Variants in COL4A3 observed in about 807,000 individuals in gnomAD.
The protein encoded by COL4A3 is collagen type IV alpha 3 chain.
In COL4A3, 135 loss-of-function variants were observed where a neutral mutation model predicts 217.4. The ratio of observed to expected loss-of-function variants is 0.62; its 90% confidence interval spans 0.54 to 0.72. The LOEUF (loss-of-function observed/expected upper bound fraction) is 0.72, where lower values mean the gene tolerates loss of function less well. Ranked by LOEUF, COL4A3 falls within the 30% of genes least tolerant of loss-of-function variation. The probability of loss-of-function intolerance (pLI) is 0.00; values close to 1 mark genes in which losing one functional copy is unlikely to be tolerated. For missense variants in COL4A3, 1,868 were observed against 2,119.9 expected (o/e 0.88, Z 2.33); for synonymous variants, 690 against 736.3 (o/e 0.94, Z 1.02).
At chr2:227,285,304 A>AAAAAAAAG (rs2072250660) in intron 34 of COL4A3, among the ~76,000 whole-genome samples, 1 of 149,916 alleles carries the variant, frequency 6.7e-6, no homozygotes, top group Non-Finnish European at 1.5e-5. Context: ...AAAAAAAAAA[A>AAAAAAAAG]TTTGCACAGG....
chr2:227,265,239 C>A (rs1311366696), intron 21 of COL4A3: 1 of 152,138 alleles, frequency 6.6e-6, no homozygotes, highest in East Asian at 1.9e-4. Context: ...TAAGTCTACA[C>A]TAAGTATTAA....
rs1323181621 is a variant in COL4A3 at position 227,210,106 on chromosome 2, G to A, written c.88-27862G>A. On this transcript the variant is annotated intron_variant, in intron 1 of 51. Coordinates refer to ENST00000396578, the MANE Select transcript of COL4A3 (RefSeq NM_000091.5). The stretch of plus-strand genomic sequence containing the variant: ...CAGGCATGTAGTAAAAGCTATCTGT[G>A]TTATTTATGAGTTTACCTTTGGGAC... Among the ~76,000 whole-genome samples the A allele has an allele frequency of 3.9e-5, 6 of 152,164 alleles. 1 individual carries two copies. Among genetic ancestry groups the A allele is most frequent in the African/African-American group, 1.4e-4 (6 of 41,436 alleles).
chr2:227,254,197 G>T (rs1227827651), intron 14 of COL4A3, 23 bp downstream of exon 14: 9 of 1,601,440 alleles, frequency 5.6e-6, no homozygotes, highest in Non-Finnish European at 7.7e-6. Flanking sequence ...AAGTTATATT[G>T]TCCCCATAAC....
Position 227,307,762 on chromosome 2 carries a change from T to G in COL4A3, c.4305T>G (p.Ser1435Arg). Residue 1435 changes from serine to arginine, a missense_variant, in exon 48 of 52, where the codon AGT becomes AGG. By Grantham distance (110) the Ser-to-Arg change is moderately radical (BLOSUM62 -1). This residue lies in a region of COL4A3 where 1,503 missense variants were observed against 1,786.1 expected (regional missense o/e 0.84). Transcript: ENST00000396578. ...LPGLKGKRGD[S>R]GSPATWTTRG... is the part of the protein sequence containing the mutation. ...GTTTGAAAGGAAAACGTGGAGACAG[T>G]GGATCACCTGCAACCTGGACAACGA... 1 of 1,614,214 alleles carries G rather than the reference T, an allele frequency of 6.2e-7. No homozygotes were observed. The highest frequency in any genetic ancestry group is 8.5e-7 in the Non-Finnish European group (1 of 1,180,034).
At chr2:227,245,716 AAAAGGCG>A in intron 5 of COL4A3, 1 of 572,622 alleles carries the variant, frequency 1.7e-6, no homozygotes, top group Admixed American at 2.9e-5. Context: ...TTTTATGGAT[AAAAGGCG>A]TTTGCTTTAT....
chr2:227,191,091 T>C lies in COL4A3; in HGVS notation c.87+26278T>C, dbSNP rs115814243. Among the ~76,000 whole-genome samples, 7 of 152,288 alleles carry C rather than the reference T, an allele frequency of 4.6e-5. No homozygotes were observed. Among genetic ancestry groups the C allele is most frequent in the Non-Finnish European group, 1.0e-4 (7 of 68,022 alleles). On this transcript the variant is annotated intron_variant, in intron 1 of 51. Coordinates refer to ENST00000396578, the MANE Select transcript of COL4A3 (RefSeq NM_000091.5). This position sits in a 1 kb window ranked among gnomAD's most constrained non-coding sequence, Gnocchi z 6.8. ...TTTTATGTCTTTTTTCTCTTAAAAA[T>C]AGACTACATAAATAATACGTATATG...
At chr2:227,272,865 G>C in intron 25 of COL4A3, 84 bp from the exon 26 acceptor site, 1 of 1,355,190 alleles carries the variant, frequency 7.4e-7, no homozygotes, top group South Asian at 1.2e-5. Context: ...CAGCCTAACT[G>C]GTATTCATAT....
chr2:227,311,843 T>A lies in COL4A3; in HGVS notation c.4986T>A (p.Cys1662Ter). 6.2e-7 allele frequency: 1 copy of A among 1,614,052 alleles called. No individual in the cohort carries two copies. Among genetic ancestry groups the A allele is most frequent in the Non-Finnish European group, 8.5e-7 (1 of 1,179,932 alleles). The change falls in exon 52 of 52, where the codon TGT (cysteine) becomes TGA (stop). Residue 1662 changes from cysteine (C) to a stop codon, truncating the protein, a stop_gained. Coordinates refer to ENST00000396578, the MANE Select transcript of COL4A3 (RefSeq NM_000091.5). LOFTEE classifies it high-confidence loss of function. ...AGELEKIISR[C>*]QVCMKKRH ...AATTAGAAAAAATAATAAGTCGCTG[T>A]CAGGTGTGCATGAAGAAAAGACACT...
chr2:227,291,165 A>G (rs2072676598), intron 37 of COL4A3: 2 of 422,934 alleles, frequency 4.7e-6, no homozygotes, highest in African/African-American at 4.0e-5. Context: ...TTACAGGCCC[A>G]TACAATCAGA....
chr2:227,193,498 G>C (rs533084884), intron 1 of COL4A3, among the ~76,000 whole-genome samples: 1 of 152,246 alleles, frequency 6.6e-6, no homozygotes, highest in African/African-American at 2.4e-5. Context: ...CGGATCACAA[G>C]GTCAGGAGTT....
chr2:227,229,537 T>C (rs1202493301), intron 1 of COL4A3, among the ~76,000 whole-genome samples: 2 of 152,148 alleles, frequency 1.3e-5, no homozygotes, highest in South Asian at 4.1e-4. Flanking sequence ...GGGAGGAAGG[T>C]GGCTAGTGCA....
chr2:227,281,836 T>C (rs184288176), intron 31 of COL4A3: 4 of 152,638 alleles, frequency 2.6e-5, no homozygotes, highest in Non-Finnish European at 4.4e-5. Context: ...GCATAAATCA[T>C]TGGAGCAGAG....
chr2:227,185,127 T>C (rs111712474), intron 1 of COL4A3, among the ~76,000 whole-genome samples: 25,842 of 151,934 alleles, frequency 0.17, 2,352 homozygotes, highest in Admixed American at 0.25. Context: ...GTCTCAATCT[T>C]CTGACCTCGT....
chr2:227,298,393 A>C (rs187405725), intron 42 of COL4A3, among the ~76,000 whole-genome samples: 5 of 152,006 alleles, frequency 3.3e-5, no homozygotes, highest in Non-Finnish European at 7.4e-5. Flanking sequence ...CATTCATTCA[A>C]CTCTATTTGT....
intron 1 of COL4A3, among the ~76,000 whole-genome samples, chr2:227,189,606 T>A (rs896176749): frequency 1.3e-5 from 2 of 152,238 alleles, no homozygotes; most frequent in South Asian, 2.1e-4. Flanking sequence ...TATATTAGTA[T>A]GCATTTCTTT....
intron 26 of COL4A3, 99 bp from the exon 27 acceptor site, chr2:227,276,286 G>A: frequency 1.1e-6 from 1 of 871,680 alleles, no homozygotes; most frequent in Non-Finnish European, 1.9e-6. Context: ...TTTATTTTTT[G>A]GGGATATGTT....
chr2:227,252,068 C>CAA (rs796320850), intron 11 of COL4A3, among the ~76,000 whole-genome samples: 919 of 33,350 alleles, frequency 0.028, 53 homozygotes, highest in Admixed American at 0.078. Flanking sequence ...GGCACCATCT[C>CAA]AAAAAAAAAA....
At chr2:227,288,176 A>G (rs2072458364) in intron 34 of COL4A3, among the ~76,000 whole-genome samples, 1 of 150,474 alleles carries the variant, frequency 6.6e-6, no homozygotes, top group Admixed American at 6.6e-5. Context: ...GGCTCACTGC[A>G]ACCTCCGCCT....
At position 227,184,891 on chromosome 2, in the gene COL4A3, C is replaced by CTTTTTTTT. The variant is rs34345055; in HGVS notation, c.87+20099_87+20106dup. Among the ~76,000 whole-genome samples the CTTTTTTTT allele has an allele frequency of 1.4e-4, 9 of 62,566 alleles. 3 individuals carry two copies. The highest frequency in any genetic ancestry group is 2.4e-4 in the Non-Finnish European group (8 of 33,950). The allele number at this position is 62,566 out of a possible 152,430, so 41.0% of individuals were successfully genotyped here. A position where few individuals can be genotyped will look rare whatever the true frequency, so the allele number is the denominator to read the frequency against. Reference sequence around the variant, plus strand: ...TCCTTTGCATGGCTGCCTCACTGGCCTTTTTTTTTTTTTTTTTTTTTTTTT... The same window carrying CTTTTTTTT: ...TCCTTTGCATGGCTGCCTCACTGGCCTTTTTTTTTTTTTTTTTTTTTTTTTTTTTTTTT... On this transcript the variant is annotated intron_variant, in intron 1 of 51. Coordinates refer to ENST00000396578, the MANE Select transcript of COL4A3 (RefSeq NM_000091.5).
Sources: gnomAD v4.1 joint callset for allele counts (sites outside exome capture counted in the v4.1 genomes callset) on GRCh38, gnomAD v4.1.1 for gene constraint, gnomAD v4.1.1 regional missense constraint, Gnocchi (gnomAD v3.1) non-coding constraint, MANE v1.5 for transcripts, NCBI Gene and HGNC (gene_info 2026-07-23, HGNC 2026-07-21) for gene names.